The following RUBCN variants were observed in gnomAD, a reference collection of about 807,000 sequenced individuals.
The protein encoded by RUBCN is run domain Beclin-1-interacting and cysteine-rich domain-containing protein.
A neutral mutation model predicts 113.2 loss-of-function variants in RUBCN; 74 were observed. That is an observed-to-expected ratio of 0.65 (90% confidence interval 0.54 to 0.79). The LOEUF is 0.79. Among genes scored for constraint, RUBCN ranks in the 30% least tolerant of loss-of-function variants. RUBCN has a pLI of 0.00. For missense variants in RUBCN, 1,109 were observed against 1,251.7 expected, an observed-to-expected ratio of 0.89 and a Z score of 1.72; for synonymous variants, 480 against 490.0, an observed-to-expected ratio of 0.98 and a Z score of 0.27.
chr3:197,705,940 C>A (rs1724253095), intron 2 of RUBCN, among the ~76,000 whole-genome samples: 4 of 152,132 alleles, frequency 2.6e-5, no homozygotes, highest in Admixed American at 2.6e-4. Context: ...GTTGGCCAGG[C>A]TGGTCTCAAA....
At chr3:197,740,333 G>A (rs1290458071), upstream of RUBCN, among the ~76,000 whole-genome samples, 1 of 151,508 alleles carries the variant, frequency 6.6e-6, no homozygotes, top group African/African-American at 2.4e-5. Context: ...GCTGGGAATG[G>A]TGGCAGACGC....
intron 2 of RUBCN, among the ~76,000 whole-genome samples, chr3:197,715,611 C>G (rs1725438496): frequency 6.6e-6 from 1 of 152,144 alleles, no homozygotes; most frequent in African/African-American, 2.4e-5. Context: ...TACCTCATTT[C>G]ACTGGTGAGG....
intron 1 of RUBCN, among the ~76,000 whole-genome samples, chr3:197,723,962 G>A (rs529146514): frequency 1.3e-4 from 20 of 152,248 alleles, no homozygotes; most frequent in African/African-American, 4.3e-4. Flanking sequence ...GCCAGGCGTG[G>A]TGGCACATGC....
chr3:197,733,389 G>A (rs1727742790), intron 1 of RUBCN, among the ~76,000 whole-genome samples: 1 of 152,120 alleles, frequency 6.6e-6, no homozygotes, highest in Admixed American at 6.6e-5. Flanking sequence ...GGCTGAGGTG[G>A]GAAGATCACC....
intron 2 of RUBCN, among the ~76,000 whole-genome samples, chr3:197,713,980 G>C (rs948612506): frequency 4.6e-5 from 7 of 152,042 alleles, no homozygotes; most frequent in African/African-American, 1.7e-4. Flanking sequence ...GGAGGCTGAG[G>C]CAGGAGAATG....
In RUBCN at chr3:197,700,928, C is replaced by T; in HGVS notation, c.946G>A (p.Gly316Ser). The T allele has an allele frequency of 5.6e-6, 9 of 1,614,220 alleles. No homozygotes were observed. Among genetic ancestry groups the T allele is most frequent in the Non-Finnish European group, 7.6e-6 (9 of 1,180,042 alleles). ...SWVSSQNDSP[G>S]DASEGPEYLA... ...TACTCAGGCCCCTCACTGGCATCAC[C>T]TGGGGAATCATTCTGGCTGCTGACC... The change falls in exon 7 of 20, where the codon GGT (glycine) becomes AGT (serine). Residue 316 changes from glycine to serine, a missense_variant. By Grantham distance (56) the Gly-to-Ser change is moderately conservative. Coordinates refer to ENST00000296343, the MANE Select transcript of RUBCN (RefSeq NM_014687.4).
chr3:197,744,091 T>C (rs1457723555), intron 1 of RUBCN, among the ~76,000 whole-genome samples: 4 of 151,410 alleles, frequency 2.6e-5, no homozygotes, highest in Non-Finnish European at 5.9e-5. Context: ...ACTTCTTTAA[T>C]ATACCAGTAT....
At position 197,746,215 on chromosome 3, in the gene RUBCN, C is replaced by T. The variant is rs148956405; in HGVS notation, c.-116+3054G>A. Among the ~76,000 whole-genome samples the T allele has an allele frequency of 2.2e-3, 341 of 152,254 alleles. 1 individual carries two copies. Among genetic ancestry groups the T allele is most frequent in the African/African-American group, 7.7e-3 (320 of 41,554 alleles). ...GCACAAAGCTTGAGGATAGCCATCGCGAAACATGATTCCAAAGGAATGGGG... is the reference window on the plus strand; with the variant it reads ...GCACAAAGCTTGAGGATAGCCATCGTGAAACATGATTCCAAAGGAATGGGG... On this transcript the variant is annotated intron_variant, in intron 1 of 20. Transcript: ENST00000273582.
chr3:197,697,064 C>G lies in RUBCN; in HGVS notation c.1262-15G>C, dbSNP rs1330767480. ...ATTGCAGGATTCTAATGACGATGAC[C>G]ACCAGCGAGTAAAAACACATACGAA... On this transcript the variant is annotated splice_polypyrimidine_tract_variant and intron_variant, in intron 7 of 19. Coordinates refer to ENST00000296343, the MANE Select transcript of RUBCN (RefSeq NM_014687.4). 5.2e-6 allele frequency: 7 copies of G among 1,357,636 alleles called. No individual in the cohort carries two copies. The highest frequency in any genetic ancestry group is 7.4e-6 in the Non-Finnish European group (7 of 946,622). The allele number at this position is 1,357,636 out of a possible 1,614,324, so 84.1% of individuals were successfully genotyped here.
intron 2 of RUBCN, 138 bp from the exon 3 acceptor site, chr3:197,705,313 TAC>T: frequency 1.3e-6 from 1 of 784,688 alleles, no homozygotes. Flanking sequence ...AATCAAAGGA[TAC>T]ACACAGAGGC....
At chr3:197,729,058 A>G (rs1271305179) in intron 1 of RUBCN, among the ~76,000 whole-genome samples, 1 of 150,132 alleles carries the variant, frequency 6.7e-6, no homozygotes, top group East Asian at 2.1e-4. Flanking sequence ...GGTCAGGAGA[A>G]TGGCGTGAAC....
intron 6 of RUBCN, among the ~76,000 whole-genome samples, chr3:197,701,423 C>G (rs1419292207): frequency 2.0e-5 from 3 of 152,138 alleles, no homozygotes; most frequent in African/African-American, 7.2e-5. Flanking sequence ...ACAACAGAGC[C>G]TAGTACATGA....
chr3:197,749,420 T>C (rs924809972), exon 1 of RUBCN: 8 of 1,221,128 alleles, frequency 6.6e-6, no homozygotes, highest in Non-Finnish European at 8.4e-6. Context: ...AGCGTTTGCT[T>C]TGCGTTCAGA....
rs978643938 is a variant in RUBCN at position 197,695,717 on chromosome 3, C to G, written c.1473+149G>C. On this transcript the variant is annotated intron_variant, in intron 9 of 19. Coordinates refer to ENST00000296343, the MANE Select transcript of RUBCN (RefSeq NM_014687.4). Reference sequence around the variant, plus strand: ...GGCACATGCTCCCTGCAGAGTTCCTCAGAAACAGAACTTGCTGAGCTTCCC... The same window carrying G: ...GGCACATGCTCCCTGCAGAGTTCCTGAGAAACAGAACTTGCTGAGCTTCCC... 1.7e-5 allele frequency: 13 copies of G among 747,624 alleles called. No individual in the cohort carries two copies. The African/African-American group carries it at 1.9e-4, about 11-fold the overall frequency. The allele number at this position is 747,624 out of a possible 1,614,324, so 46.3% of individuals were successfully genotyped here.
chr3:197,728,531 G>T (rs935870981), intron 1 of RUBCN, among the ~76,000 whole-genome samples: 3 of 152,164 alleles, frequency 2.0e-5, no homozygotes, highest in African/African-American at 7.2e-5. Flanking sequence ...GAAATGCGAA[G>T]AAAGTGGCAC....
chr3:197,720,992 A>C lies in RUBCN; in HGVS notation c.66-2862T>G, dbSNP rs952297315. Among the ~76,000 whole-genome samples, 7 of 151,744 alleles carry C rather than the reference A, an allele frequency of 4.6e-5. 1 individual carries two copies. The highest frequency in any genetic ancestry group is 1.7e-4 in the African/African-American group (7 of 41,350). ...CCGGCTATCTTCTGATTTTTTTTTA[A>C]TGTGCAGCGATTAGATTTGGTTTGC... On this transcript the variant is annotated intron_variant, in intron 1 of 19. Transcript: ENST00000296343.
intron 7 of RUBCN, among the ~76,000 whole-genome samples, chr3:197,698,829 C>CAAAA (rs113975138): frequency 2.6e-4 from 8 of 30,988 alleles, no homozygotes; most frequent in South Asian, 1.1e-3. Context: ...CCTGTCTCTA[C>CAAAA]AAAAAAAAAA....
upstream of RUBCN, among the ~76,000 whole-genome samples, chr3:197,740,898 CGT>C (rs1271641879): frequency 6.6e-6 from 1 of 152,036 alleles, no homozygotes; most frequent in Admixed American, 6.6e-5. Flanking sequence ...TGGGATTACA[CGT>C]GTGAGCCACT....
chr3:197,744,567 G>A lies in RUBCN; in HGVS notation c.-116+4702C>T, dbSNP rs115166816. 9.7e-3 allele frequency among the ~76,000 whole-genome samples: 1,479 copies of A among 152,182 alleles called. 27 individuals are homozygous for A. The highest frequency in any genetic ancestry group is 0.034 in the African/African-American group (1,416 of 41,514). On this transcript the variant is annotated intron_variant, in intron 1 of 20. Transcript: ENST00000273582. ...CATACTTAATGTTGAAAGACTGAAC[G>A]CTTTCCCTCTGGGGTTGGGAACAAG...
Sources: allele counts gnomAD v4.1 joint callset (sites outside exome capture counted in the v4.1 genomes callset), GRCh38; gene constraint gnomAD v4.1.1; transcripts MANE v1.5; gene names NCBI Gene and HGNC (gene_info 2026-07-23, HGNC 2026-07-21).